DLC1: variants seen among roughly 807,000 people sequenced by gnomAD.
DLC1 encodes the protein DLC1 Rho GTPase activating protein.
DLC1 carries 54 observed loss-of-function variants against 140.3 expected under a neutral mutation model. The ratio of observed to expected loss-of-function variants is 0.38; its 90% CI spans 0.31 to 0.48. The LOEUF (loss-of-function observed/expected upper bound fraction) is 0.48. Among genes scored for constraint, DLC1 ranks in the 20% least tolerant of loss-of-function variants. The probability of loss-of-function intolerance (pLI) is 0.96; values close to 1 mark genes in which losing one functional copy is unlikely to be tolerated. For synonymous variants in DLC1, 986 were observed against 728.1 expected (o/e 1.35, Z -5.70); for missense variants, 2,536 against 1,907.0 (o/e 1.33, Z -6.14).
chr8:13,500,210 C>G lies in DLC1; in HGVS notation c.-125-14G>C. ...TCATTTCACCACCTATTAAAAAATT[C>G]AAAAAAATATGTAGTCGCAGATACG... On this transcript the variant is annotated splice_polypyrimidine_tract_variant and intron_variant, in intron 1 of 17. Coordinates refer to ENST00000276297, the MANE Select transcript of DLC1 (RefSeq NM_182643.3). The G allele has an allele frequency of 1.4e-6, 1 of 728,016 alleles. No individual in the cohort carries two copies. Among genetic ancestry groups the G allele is most frequent in the Non-Finnish European group, 2.2e-6 (1 of 463,814 alleles). The allele number at this position is 728,016 out of a possible 1,614,324, so 45.1% of individuals were successfully genotyped here.
intron 5 of DLC1, among the ~76,000 whole-genome samples, chr8:13,188,373 T>C (rs1826508792): frequency 7.7e-6 from 1 of 129,982 alleles, no homozygotes; most frequent in Non-Finnish European, 1.6e-5. Flanking sequence ...AAAGTAATGA[T>C]TGTGCCACTG....
At chr8:13,328,819 C>T (rs995060606) in intron 4 of DLC1, among the ~76,000 whole-genome samples, 22 of 152,072 alleles carry the variant, frequency 1.4e-4, no homozygotes, top group Middle Eastern at 3.4e-3. Flanking sequence ...GTCACAGAAG[C>T]GGAAGGAACA....
chr8:13,535,669 T>TAAAAAA (rs55970525), intron 1 of DLC1, among the ~76,000 whole-genome samples: 6 of 114,672 alleles, frequency 5.2e-5, no homozygotes, highest in Admixed American at 9.4e-5. Context: ...CATTGCTCAT[T>TAAAAAA]AAAAAAAAAA....
intron 2 of DLC1, among the ~76,000 whole-genome samples, chr8:13,474,378 T>C (rs1430224086): frequency 3.3e-5 from 5 of 152,262 alleles, no homozygotes; most frequent in Non-Finnish European, 5.9e-5. Context: ...AGGAAGAAGT[T>C]TGCTGCAGGG....
At chr8:13,511,426 G>A (rs7005419) in intron 1 of DLC1, among the ~76,000 whole-genome samples, 11,934 of 151,982 alleles carry the variant, frequency 0.079, 671 homozygotes, top group East Asian at 0.17. Context: ...GGGCCTCAAG[G>A]TCCTAGTTTA....
intron 4 of DLC1, among the ~76,000 whole-genome samples, chr8:13,321,485 C>T (rs572114000): frequency 1.5e-5 from 2 of 131,334 alleles, no homozygotes; most frequent in Non-Finnish European, 3.1e-5. Flanking sequence ...TTGCAGTGAG[C>T]TGAGATCGCA....
At chr8:13,190,732 G>C (rs182595025) in intron 5 of DLC1, among the ~76,000 whole-genome samples, 27 of 152,270 alleles carry the variant, frequency 1.8e-4, no homozygotes, top group African/African-American at 6.5e-4. Context: ...GTGGAGTGGA[G>C]GGAGAGGCGT....
intron 13 of DLC1, among the ~76,000 whole-genome samples, 159 bp from the exon 14 acceptor site, chr8:13,091,591 G>A (rs1030212800): frequency 1.2e-4 from 19 of 152,178 alleles, no homozygotes; most frequent in Non-Finnish European, 2.1e-4. Flanking sequence ...GGTCACCAGA[G>A]TATCTCAGAG....
At chr8:13,302,048 CTT>C (rs1463650437) in intron 5 of DLC1, among the ~76,000 whole-genome samples, 1 of 152,248 alleles carries the variant, frequency 6.6e-6, no homozygotes, top group Admixed American at 6.5e-5. Context: ...CATATCGATA[CTT>C]GTGTGATCAG....
chr8:13,590,439 C>A (rs959707865), intron 1 of DLC1, among the ~76,000 whole-genome samples: 2 of 152,028 alleles, frequency 1.3e-5, no homozygotes, highest in Non-Finnish European at 2.9e-5. Flanking sequence ...CTCATAATTA[C>A]AGTCATGAAA....
chr8:13,532,497 C>G (rs542476590), intron 1 of DLC1, among the ~76,000 whole-genome samples: 1 of 152,320 alleles, frequency 6.6e-6, no homozygotes, highest in African/African-American at 2.4e-5. Context: ...GATAAAGTAA[C>G]TGAGGCTGAA....
At chr8:13,259,712 G>T (rs1193022937) in intron 5 of DLC1, among the ~76,000 whole-genome samples, 1 of 151,794 alleles carries the variant, frequency 6.6e-6, no homozygotes, top group African/African-American at 2.4e-5. Context: ...TATTTGAACT[G>T]GTGTGTGTTA....
chr8:13,520,308 T>G (rs1372256187), intron 1 of DLC1, among the ~76,000 whole-genome samples: 1 of 151,818 alleles, frequency 6.6e-6, no homozygotes, highest in Non-Finnish European at 1.5e-5. Flanking sequence ...AGAGGAAGAG[T>G]TCATGCCCTT....
intron 3 of DLC1, among the ~76,000 whole-genome samples, chr8:13,398,434 G>T (rs775353116): frequency 3.9e-5 from 6 of 151,976 alleles, no homozygotes; most frequent in Non-Finnish European, 8.8e-5. Context: ...ATAAGAGAAA[G>T]GATGGGGAGA....
intron 2 of DLC1, among the ~76,000 whole-genome samples, chr8:13,477,851 G>A (rs561505092): frequency 2.7e-5 from 4 of 149,400 alleles, no homozygotes; most frequent in East Asian, 4.1e-4. Flanking sequence ...TCACTAAATC[G>A]TTAGAAAAAA....
In DLC1 at chr8:13,561,646, C is replaced by T. The variant is rs1176997860; in HGVS notation, c.-126+42891G>A. 2.6e-5 allele frequency among the ~76,000 whole-genome samples: 4 copies of T among 151,812 alleles called. No individual in the cohort carries two copies. The East Asian group carries it at 5.8e-4, about 22-fold the overall frequency. On this transcript the variant is annotated intron_variant, in intron 1 of 1. Coordinates refer to the DLC1 transcript ENST00000631382. ...TTTCTTCATCTGTCTATTCATTTAC[C>T]TGCTTATCTACCTACCAGAGCTTTG...
chr8:13,436,658 G>A (rs747778721), intron 2 of DLC1, among the ~76,000 whole-genome samples: 1 of 152,132 alleles, frequency 6.6e-6, no homozygotes, highest in Non-Finnish European at 1.5e-5. Context: ...CAGACGAACG[G>A]AGGAGGAAAT....
intron 2 of DLC1, among the ~76,000 whole-genome samples, chr8:13,486,435 G>A (rs1035846451): frequency 1.3e-5 from 2 of 152,042 alleles, no homozygotes; most frequent in African/African-American, 4.8e-5. Flanking sequence ...TATTAGGTTT[G>A]TGTTACATTT....
chr8:13,355,245 G>A (rs76857956), intron 4 of DLC1, among the ~76,000 whole-genome samples: 1,566 of 152,160 alleles, frequency 0.01, 34 homozygotes, highest in African/African-American at 0.036. Context: ...CAACACCTAG[G>A]GGGGCTAAGG....
Sources: gnomAD v4.1 joint callset for allele counts (sites outside exome capture counted in the v4.1 genomes callset) on GRCh38, gnomAD v4.1.1 for gene constraint, MANE v1.5 for transcripts, NCBI Gene and HGNC (gene_info 2026-07-23, HGNC 2026-07-21) for gene names.